NCAPD2: variants seen among roughly 807,000 people sequenced by gnomAD.
The protein encoded by NCAPD2 is condensin complex subunit 1.
Under a neutral mutation model 164.5 loss-of-function variants are expected in NCAPD2, and 100 were observed. The ratio of observed to expected loss-of-function variants is 0.61; its 90% CI spans 0.52 to 0.72. The LOEUF is 0.72. NCAPD2 is among the 30% of genes least tolerant of loss of function. The pLI is 0.00. For synonymous variants in NCAPD2, 585 were observed against 642.6 expected (o/e 0.91, Z 1.36); for missense variants, 1,560 against 1,749.2 (o/e 0.89, Z 1.93).
chr12:6,514,437 A>G (rs770524115), intron 7 of NCAPD2, 27 bp from the exon 8 acceptor site: 2 of 1,614,038 alleles, frequency 1.2e-6, no homozygotes, highest in Non-Finnish European at 1.7e-6. Flanking sequence ...TATTGCCCAT[A>G]ATTTCTCATG....
intron 2 of NCAPD2, among the ~76,000 whole-genome samples, chr12:6,507,347 C>T (rs1946107731): frequency 6.6e-6 from 1 of 152,202 alleles, no homozygotes; most frequent in Admixed American, 6.5e-5. Context: ...AATCCGAGTA[C>T]TTTGGGAGTG....
Position 6,521,818 on chromosome 12 carries a change from G to A in NCAPD2, c.1735G>A (p.Glu579Lys), listed in dbSNP as rs758935015. 48 of 1,613,856 alleles carry A rather than the reference G, an allele frequency of 3.0e-5. No homozygotes were observed. Among genetic ancestry groups the A allele is most frequent in the Non-Finnish European group, 4.2e-6 (5 of 1,179,932 alleles). The change falls in exon 15 of 32, where the codon GAA becomes AAA. Residue 579 changes from glutamate to lysine, a missense_variant. Glu to Lys is a moderately conservative substitution (Grantham distance 56). Transcript: ENST00000315579. ...CTTAGGCCCAGCAGCTTCCACACAA[G>A]AAAAGAATCCCCGGGAGTCTACAGG... ...IFKGPAASTQ[E>K]KNPRESTGNM...
Position 6,531,262 on chromosome 12 carries a change from T to C in NCAPD2, c.4121-65T>C. On this transcript the variant is annotated intron_variant, in intron 31 of 31. Transcript: ENST00000315579. The surrounding 1 kb of genome is among the most constrained non-coding windows in gnomAD (Gnocchi z 4.1). ...GTGTGGGATTGTCTCACTTGTTCTC[T>C]GATATCTATTTTTTCACCATCTTTG... 1.9e-6 allele frequency: 3 copies of C among 1,541,534 alleles called. No individual in the cohort carries two copies. Among genetic ancestry groups the C allele is most frequent in the Non-Finnish European group, 2.7e-6 (3 of 1,121,194 alleles).
chr12:6,516,808 T>C lies in NCAPD2; in HGVS notation c.988-20T>C. 1 of 1,613,508 alleles carries C rather than the reference T, an allele frequency of 6.2e-7. No individual in the cohort carries two copies. Among genetic ancestry groups the C allele is most frequent in the African/African-American group, 1.3e-5 (1 of 75,024 alleles). The stretch of plus-strand genomic sequence containing the variant: ...TCGCCTTGACTAAAGGTTTGACCCC[T>C]CTATGCTTCTCTCTCTTAGAATTAC... On this transcript the variant is annotated intron_variant, in intron 9 of 31. Coordinates refer to ENST00000315579, the MANE Select transcript of NCAPD2 (RefSeq NM_014865.4).
At chr12:6,509,922 A>G in intron 3 of NCAPD2, 130 bp downstream of exon 3, 1 of 1,248,866 alleles carries the variant, frequency 8.0e-7, no homozygotes. Context: ...ATCTCTACTG[A>G]TGAGCATGTA....
intron 2 of NCAPD2, among the ~76,000 whole-genome samples, chr12:6,496,059 CTT>C (rs11423649): frequency 2.3e-4 from 32 of 136,504 alleles, no homozygotes; most frequent in Non-Finnish European, 2.5e-4. Context: ...TTTTGTTTTT[CTT>C]TTTTTTTTTT....
Position 6,514,534 on chromosome 12 carries a change from G to A in NCAPD2, c.786G>A (p.Val262=). 2 of 1,614,218 alleles carry A rather than the reference G, an allele frequency of 1.2e-6. No individual in the cohort carries two copies. The highest frequency in any genetic ancestry group is 1.7e-6 in the Non-Finnish European group (2 of 1,180,046). Reference sequence around the variant, plus strand: ...TGGCACCTGTACTGGTTGCAGCCGTGAGTCTATGGGCAACTGACTATGGAA... The same window carrying A: ...TGGCACCTGTACTGGTTGCAGCCGTAAGTCTATGGGCAACTGACTATGGAA... ...EHLAPVLVAA[V]SLWATDYGMK... The change falls in exon 8 of 32, where the codon GTG becomes GTA. Residue 262 remains valine (V), a synonymous_variant. Coordinates refer to ENST00000315579, the MANE Select transcript of NCAPD2 (RefSeq NM_014865.4).
chr12:6,524,364 G>T (rs1946295049), intron 17 of NCAPD2, among the ~76,000 whole-genome samples: 1 of 152,152 alleles, frequency 6.6e-6, no homozygotes, highest in Non-Finnish European at 1.5e-5. Context: ...GAAAAGACCA[G>T]GCGCGATGGC....
At chr12:6,519,356 ATTGT>A (rs1191946482) in intron 13 of NCAPD2, among the ~76,000 whole-genome samples, 3 of 151,340 alleles carry the variant, frequency 2.0e-5, no homozygotes, top group East Asian at 2.0e-4. Context: ...TTAGAAAAGG[ATTGT>A]TTGTTTTTGA....
chr12:6,501,452 T>A (rs1259395857), intron 2 of NCAPD2, among the ~76,000 whole-genome samples: 1 of 152,040 alleles, frequency 6.6e-6, no homozygotes, highest in Admixed American at 6.6e-5. Context: ...CCTCCCAAAA[T>A]GTTGGGATTA....
chr12:6,522,229 C>T (rs1039198477), intron 15 of NCAPD2, among the ~76,000 whole-genome samples, 192 bp downstream of exon 15: 9 of 152,218 alleles, frequency 5.9e-5, no homozygotes, highest in Admixed American at 1.3e-4. Context: ...CCACTGCACC[C>T]GGCCATGGAT....
Position 6,498,692 on chromosome 12 carries a change from C to T in NCAPD2, c.127+3467C>T, listed in dbSNP as rs1428063857. ...CTGTGATCTCAGCTCACTGCAACCT[C>T]CGCCTCCCAGGTTCAAGAGATTCCC... On this transcript the variant is annotated intron_variant, in intron 2 of 31. Transcript: ENST00000315579. Among the ~76,000 whole-genome samples the T allele has an allele frequency of 2.0e-5, 3 of 151,918 alleles. No homozygotes were observed. The East Asian group carries it at 5.8e-4, about 29-fold the overall frequency.
intron 13 of NCAPD2, 100 bp downstream of exon 13, chr12:6,518,059 T>TA (rs1946220917): frequency 8.6e-7 from 1 of 1,161,808 alleles, no homozygotes; most frequent in Admixed American, 1.9e-5. Flanking sequence ...TGCACACAGA[T>TA]ATGCTGCCAC....
At chr12:6,509,203 A>C (rs2137045062) in intron 2 of NCAPD2, among the ~76,000 whole-genome samples, 1 of 152,256 alleles carries the variant, frequency 6.6e-6, no homozygotes, top group African/African-American at 2.4e-5. Context: ...GGTGTGGTGA[A>C]GCTCAAACAA....
rs775605375 is a variant in NCAPD2, at chr12:6,509,735, G to A, written c.146G>A (p.Arg49Gln). 16 of 1,613,614 alleles carry A rather than the reference G, an allele frequency of 9.9e-6. No individual in the cohort carries two copies. Among genetic ancestry groups the A allele is most frequent in the African/African-American group, 1.3e-5 (1 of 74,810 alleles). ...TTCATAGCTTTTCAGGCTGCCTTTCGAGCTCAGGGGCCCCTGGCTATGCTG... is the reference window on the plus strand; with the variant it reads ...TTCATAGCTTTTCAGGCTGCCTTTCAAGCTCAGGGGCCCCTGGCTATGCTG... ...PQLRAFQAAF[R>Q]AQGPLAMLQH... Residue 49 changes from arginine (R) to glutamine (Q), a missense_variant, in exon 3 of 32, where the codon CGA becomes CAA. Physicochemically the swap from Arg to Gln is conservative, Grantham distance 43. Coordinates refer to ENST00000315579, the MANE Select transcript of NCAPD2 (RefSeq NM_014865.4).
rs924298728 is a variant in NCAPD2, at chr12:6,517,414, G to T, written c.1235G>T (p.Arg412Leu). Residue 412 changes from arginine to leucine, a missense_variant, in exon 11 of 32, where the codon CGT becomes CTT. Coordinates refer to ENST00000315579, the MANE Select transcript of NCAPD2 (RefSeq NM_014865.4). ...GCAGTGGTGGCTTTAGCTGTGGGAC[G>T]TCTGGCAGACAAGTCAGTGCTAGTA... ...FQAVVALAVG[R>L]LADKSVLVCK... The T allele has an allele frequency of 6.2e-7, 1 of 1,614,106 alleles. No individual in the cohort carries two copies. Among genetic ancestry groups the T allele is most frequent in the East Asian group, 2.2e-5 (1 of 44,904 alleles).
chr12:6,502,859 C>CT (rs1444303373), intron 2 of NCAPD2, among the ~76,000 whole-genome samples: 1 of 119,672 alleles, frequency 8.4e-6, no homozygotes, highest in African/African-American at 3.2e-5. Flanking sequence ...GTTGTTGTTG[C>CT]TTTTTTTTTG....
intron 2 of NCAPD2, among the ~76,000 whole-genome samples, chr12:6,502,739 A>G (rs1274347759): frequency 6.6e-6 from 1 of 152,050 alleles, no homozygotes; most frequent in Non-Finnish European, 1.5e-5. Context: ...GCTTGAACCC[A>G]GAAGTTTGAG....
intron 6 of NCAPD2, among the ~76,000 whole-genome samples, chr12:6,512,689 G>C (rs754341921): frequency 2.0e-5 from 3 of 152,202 alleles, no homozygotes; most frequent in Non-Finnish European, 4.4e-5. Flanking sequence ...TACTTCAACA[G>C]GGCCATCCTA....
Sources: allele counts gnomAD v4.1 joint callset (sites outside exome capture counted in the v4.1 genomes callset), GRCh38; gene constraint gnomAD v4.1.1; non-coding constraint Gnocchi (gnomAD v3.1); transcripts MANE v1.5; gene names NCBI Gene and HGNC (gene_info 2026-07-23, HGNC 2026-07-21).